The following CDH7 variants were observed in gnomAD, a reference collection of about 807,000 sequenced individuals.
CDH7 encodes the protein cadherin-7.
A neutral mutation model predicts 71.8 loss-of-function variants in CDH7; 25 were observed. That is an observed-to-expected ratio of 0.35 (90% CI 0.25 to 0.49). The LOEUF is 0.49. Ranked by LOEUF, CDH7 falls within the 20% of genes least tolerant of loss-of-function variation. The pLI is 0.99. For missense variants in CDH7, 862 were observed against 974.6 expected (o/e 0.88, Z 1.54); for synonymous variants, 381 against 363.8 (o/e 1.05, Z -0.54).
intron 2 of CDH7, among the ~76,000 whole-genome samples, chr18:65,775,946 C>T (rs1487541864): frequency 6.6e-6 from 1 of 152,060 alleles, no homozygotes; most frequent in Non-Finnish European, 1.5e-5. Context: ...TCAGATAACT[C>T]CTGCTAAAAT....
intron 2 of CDH7, 101 bp downstream of exon 2, chr18:65,763,153 G>A (rs183824336): frequency 1.6e-6 from 1 of 632,488 alleles, no homozygotes; most frequent in Admixed American, 3.9e-5. Flanking sequence ...TTTTGCTATG[G>A]GGATGGTAAA....
chr18:65,801,700 C>G (rs1407429678), intron 2 of CDH7, among the ~76,000 whole-genome samples: 3 of 152,138 alleles, frequency 2.0e-5, no homozygotes, highest in Admixed American at 2.0e-4. Flanking sequence ...ATATCTTTGT[C>G]TAGGCATTGG....
chr18:65,763,745 A>G (rs1051321611), intron 2 of CDH7, among the ~76,000 whole-genome samples: 3 of 152,012 alleles, frequency 2.0e-5, no homozygotes, highest in Admixed American at 2.0e-4. Flanking sequence ...TGGGTGACCA[A>G]GTGTTAGCTG....
chr18:65,772,138 A>T (rs571306436), intron 2 of CDH7, among the ~76,000 whole-genome samples: 6 of 152,190 alleles, frequency 3.9e-5, no homozygotes, highest in Admixed American at 6.5e-5. Flanking sequence ...TGGACAACAC[A>T]TACATAATGT....
At chr18:65,828,665 G>A (rs1027432327) in intron 6 of CDH7, among the ~76,000 whole-genome samples, 2 of 151,944 alleles carry the variant, frequency 1.3e-5, no homozygotes, top group Admixed American at 6.6e-5. Context: ...TGGCTGTGTC[G>A]GTGGTGGTTC....
chr18:65,815,321 G>A (rs751729093), intron 4 of CDH7, among the ~76,000 whole-genome samples: 65 of 151,684 alleles, frequency 4.3e-4, no homozygotes, highest in African/African-American at 9.0e-4. Flanking sequence ...GAATATTAGC[G>A]GGTGTGTGTC....
intron 11 of CDH7, among the ~76,000 whole-genome samples, chr18:65,876,931 C>T (rs1057021994): frequency 2.0e-5 from 3 of 152,132 alleles, no homozygotes; most frequent in Non-Finnish European, 4.4e-5. Flanking sequence ...AGACCTAAAT[C>T]TTTTCTTCTA....
intron 4 of CDH7, among the ~76,000 whole-genome samples, chr18:65,815,208 A>G (rs948415626): frequency 1.3e-5 from 2 of 152,198 alleles, no homozygotes; most frequent in African/African-American, 4.8e-5. Context: ...AACTGTTTAC[A>G]TTAAGACTAT....
chr18:65,872,633 T>C (rs986578617), intron 11 of CDH7, among the ~76,000 whole-genome samples: 9 of 152,164 alleles, frequency 5.9e-5, no homozygotes, highest in African/African-American at 2.2e-4. Context: ...CAATGACTCA[T>C]GACTGTAATC....
At chr18:65,856,429 CAAT>C (rs1487642087) in intron 7 of CDH7, among the ~76,000 whole-genome samples, 1 of 152,048 alleles carries the variant, frequency 6.6e-6, no homozygotes, top group Non-Finnish European at 1.5e-5. Context: ...TTGCTAGCAT[CAAT>C]AAACTGTAGG....
chr18:65,827,480 G>C (rs566173797), intron 6 of CDH7, among the ~76,000 whole-genome samples: 5 of 151,890 alleles, frequency 3.3e-5, no homozygotes, highest in African/African-American at 1.2e-4. Flanking sequence ...ATAACATTTA[G>C]GTTAAATCCA....
chr18:65,778,299 A>C (rs1178267288), intron 2 of CDH7, among the ~76,000 whole-genome samples: 2 of 137,196 alleles, frequency 1.5e-5, no homozygotes, highest in South Asian at 2.3e-4. Context: ...AAAAAAAAAA[A>C]AACCTAGTGC....
chr18:65,772,966 T>C (rs1271045636), intron 2 of CDH7, among the ~76,000 whole-genome samples: 3 of 152,176 alleles, frequency 2.0e-5, no homozygotes, highest in Non-Finnish European at 2.9e-5. Context: ...TTTTTCTCAG[T>C]GCTGCTCTCT....
intron 7 of CDH7, among the ~76,000 whole-genome samples, chr18:65,848,190 G>T (rs1913003347): frequency 6.6e-6 from 1 of 152,052 alleles, no homozygotes; most frequent in Non-Finnish European, 1.5e-5. Flanking sequence ...ATCCAAGATG[G>T]TAAAAGATGT....
chr18:65,781,922 T>G (rs1398131484), intron 2 of CDH7, among the ~76,000 whole-genome samples: 18 of 40,656 alleles, frequency 4.4e-4, no homozygotes, highest in Admixed American at 9.8e-4. Flanking sequence ...CTTTCTCTCT[T>G]TCTCTCTCTC....
At chr18:65,857,614 A>C (rs753519758) in intron 7 of CDH7, among the ~76,000 whole-genome samples, 17 of 152,170 alleles carry the variant, frequency 1.1e-4, no homozygotes, top group Non-Finnish European at 2.1e-4. Context: ...ACAGAAAAGC[A>C]AACATATTAG....
chr18:65,856,114 A>G (rs775124111), intron 7 of CDH7, among the ~76,000 whole-genome samples: 3 of 152,102 alleles, frequency 2.0e-5, no homozygotes, highest in African/African-American at 7.2e-5. Context: ...CATGCCATCA[A>G]TGTGAATAAG....
At chr18:65,778,062 A>G (rs1011533210) in intron 2 of CDH7, among the ~76,000 whole-genome samples, 1 of 152,052 alleles carries the variant, frequency 6.6e-6, no homozygotes, top group African/African-American at 2.4e-5. Context: ...CATGAGGTTC[A>G]GGAGTTTGAG....
chr18:65,793,230 A>G (rs1191916882), intron 2 of CDH7, among the ~76,000 whole-genome samples: 1 of 152,100 alleles, frequency 6.6e-6, no homozygotes, highest in Non-Finnish European at 1.5e-5. Flanking sequence ...ACTTGAGCTC[A>G]AACGTTTGAG....
Sources: gnomAD v4.1 joint callset for allele counts (sites outside exome capture counted in the v4.1 genomes callset) on GRCh38, gnomAD v4.1.1 for gene constraint, MANE v1.5 for transcripts, NCBI Gene and HGNC (gene_info 2026-07-23, HGNC 2026-07-21) for gene names.